BCAS3: variants seen among roughly 807,000 people sequenced by gnomAD.
The protein encoded by BCAS3 is BCAS3 microtubule associated cell migration factor.
A neutral mutation model predicts 116.1 loss-of-function variants in BCAS3; 53 were observed. The ratio of observed to expected loss-of-function variants is 0.46; its 90% CI spans 0.37 to 0.57. BCAS3 has a LOEUF of 0.57. Ranked by LOEUF, BCAS3 falls within the 20% of genes least tolerant of loss-of-function variation. BCAS3 has a pLI of 0.00. For synonymous variants in BCAS3, 391 were observed against 408.2 expected, an observed-to-expected ratio of 0.96 and a Z score of 0.51; for missense variants, 917 against 1,165.4, an observed-to-expected ratio of 0.79 and a Z score of 3.10.
intron 22 of BCAS3, among the ~76,000 whole-genome samples, chr17:61,110,710 G>T (rs2075019731): frequency 6.6e-6 from 1 of 152,190 alleles, no homozygotes; most frequent in South Asian, 2.1e-4. Context: ...AAACAAAGCA[G>T]CCGGGAAGCT....
intron 13 of BCAS3, among the ~76,000 whole-genome samples, chr17:60,935,021 G>A (rs1468417554): frequency 6.6e-6 from 1 of 152,142 alleles, no homozygotes; most frequent in African/African-American, 2.4e-5. Context: ...AGCCGGGTGT[G>A]GTGGCTCATG....
chr17:60,777,085 T>C (rs7208612), intron 6 of BCAS3, among the ~76,000 whole-genome samples: 6,672 of 151,344 alleles, frequency 0.044, 479 homozygotes, highest in African/African-American at 0.15. Flanking sequence ...TGTATATATG[T>C]GTATATATAT....
chr17:60,743,847 T>C (rs371121055), intron 5 of BCAS3, among the ~76,000 whole-genome samples: 6 of 152,196 alleles, frequency 3.9e-5, no homozygotes, highest in African/African-American at 1.4e-4. Context: ...TTAGATCGAG[T>C]TGTGAGATTC....
intron 22 of BCAS3, among the ~76,000 whole-genome samples, chr17:61,353,351 T>C (rs1020087985): frequency 2.0e-5 from 3 of 152,204 alleles, no homozygotes; most frequent in African/African-American, 7.2e-5. Context: ...GGGGGTCTTA[T>C]TAAAATGCAG....
chr17:60,713,260 G>A (rs1185535805), intron 5 of BCAS3, among the ~76,000 whole-genome samples: 16 of 152,180 alleles, frequency 1.1e-4, no homozygotes, highest in Middle Eastern at 3.4e-3. Context: ...GAGCCCCAGT[G>A]TTTTCATTTG....
chr17:60,874,758 C>G lies in BCAS3; in HGVS notation c.661+20C>G. 6.4e-7 allele frequency: 1 copy of G among 1,552,166 alleles called. No homozygotes were observed. Among genetic ancestry groups the G allele is most frequent in the Non-Finnish European group, 8.9e-7 (1 of 1,129,564 alleles). Reference sequence around the variant, plus strand: ...TTACAAGTATGTACCAATTTTTTTTCCCTTCTTATGCCTTTGGGTTTATAC... The same window carrying G: ...TTACAAGTATGTACCAATTTTTTTTGCCTTCTTATGCCTTTGGGTTTATAC... On this transcript the variant is annotated intron_variant, in intron 9 of 23. Transcript: ENST00000407086.
rs1339938110 is a variant in BCAS3, at chr17:60,994,494, A to G, written c.1486+4259A>G. Among the ~76,000 whole-genome samples the G allele has an allele frequency of 6.6e-6, 1 of 152,108 alleles. No homozygotes were observed. The highest frequency in any genetic ancestry group is 1.5e-5 in the Non-Finnish European group (1 of 68,012). On this transcript the variant is annotated intron_variant, in intron 15 of 23. Transcript: ENST00000407086. The surrounding 1 kb of genome is among the most constrained non-coding windows in gnomAD (Gnocchi z 4.4). ...CATTTTTTCCCTCATCTATATCAGT[A>G]ATTTCTAACAATTTTTTACTATCAC...
Position 61,356,150 on chromosome 17 carries a change from A to G in BCAS3, c.2426-12177A>G, listed in dbSNP as rs2058125713. Among the ~76,000 whole-genome samples the G allele has an allele frequency of 6.6e-6, 1 of 152,114 alleles. No homozygotes were observed. Among genetic ancestry groups the G allele is most frequent in the Admixed American group, 6.5e-5 (1 of 15,276 alleles). On this transcript the variant is annotated intron_variant, in intron 22 of 23. Transcript: ENST00000407086. This position sits in a 1 kb window ranked among gnomAD's most constrained non-coding sequence, Gnocchi z 5.4. ...GCTGGGATTACAGGCGCCTGCCATC[A>G]TGCCCGGCTGATTTTTGTATTTTTG...
At chr17:61,050,227 A>G (rs2068733600) in intron 19 of BCAS3, among the ~76,000 whole-genome samples, 1 of 152,060 alleles carries the variant, frequency 6.6e-6, no homozygotes, top group African/African-American at 2.4e-5. Flanking sequence ...TCAGCATGAA[A>G]GGAATTAAGA....
chr17:60,695,083 A>G (rs1313029636), intron 4 of BCAS3, among the ~76,000 whole-genome samples: 1 of 151,032 alleles, frequency 6.6e-6, no homozygotes, highest in East Asian at 1.9e-4. Context: ...CTTCCTTTTT[A>G]AGGCTGAATC....
chr17:61,102,556 G>C (rs1222708389), intron 22 of BCAS3, among the ~76,000 whole-genome samples: 1 of 152,146 alleles, frequency 6.6e-6, no homozygotes. Context: ...AACTTTGGCA[G>C]TGTCATCTGA....
intron 7 of BCAS3, among the ~76,000 whole-genome samples, chr17:60,844,390 G>A (rs2052296907): frequency 6.6e-6 from 1 of 152,156 alleles, no homozygotes; most frequent in African/African-American, 2.4e-5. Context: ...CTTCCATATT[G>A]CTCAAAATAA....
chr17:61,353,369 C>T (rs374887752), intron 22 of BCAS3, among the ~76,000 whole-genome samples: 1 of 152,150 alleles, frequency 6.6e-6, no homozygotes, highest in Admixed American at 6.5e-5. Context: ...CAGCTGGTGA[C>T]GCCGGCGGTC....
intron 2 of BCAS3, among the ~76,000 whole-genome samples, chr17:60,681,050 CA>C (rs1314661648): frequency 6.6e-6 from 1 of 152,112 alleles, no homozygotes; most frequent in African/African-American, 2.4e-5. Context: ...TAAAAAAATA[CA>C]AAAATTAGCC....
In BCAS3 at chr17:61,362,167, G is replaced by A. The variant is rs2058483587; in HGVS notation, c.2426-6160G>A. Among the ~76,000 whole-genome samples the A allele has an allele frequency of 6.6e-6, 1 of 152,198 alleles. No individual in the cohort carries two copies. Among genetic ancestry groups the A allele is most frequent in the Admixed American group, 6.5e-5 (1 of 15,288 alleles). ...TGTGGAGAAAGGGGTGCTCCCCGCAGCAGCACTCTTAAGCTCCGTTTGGTG... is the reference window on the plus strand; with the variant it reads ...TGTGGAGAAAGGGGTGCTCCCCGCAACAGCACTCTTAAGCTCCGTTTGGTG... On this transcript the variant is annotated intron_variant, in intron 22 of 23. Coordinates refer to ENST00000407086, the MANE Select transcript of BCAS3 (RefSeq NM_017679.5). This position sits in a 1 kb window ranked among gnomAD's most constrained non-coding sequence, Gnocchi z 4.4.
intron 14 of BCAS3, among the ~76,000 whole-genome samples, chr17:60,975,932 T>G (rs914591701): frequency 6.6e-6 from 1 of 152,094 alleles, no homozygotes. Context: ...GACATTTTGT[T>G]TATTCATTTA....
intron 22 of BCAS3, among the ~76,000 whole-genome samples, chr17:61,101,682 T>G (rs1215954486): frequency 3.3e-5 from 5 of 152,168 alleles, no homozygotes; most frequent in African/African-American, 1.2e-4. Context: ...TTCAAACTTT[T>G]AAGAGTTGTT....
chr17:60,795,839 G>A (rs1052435621), intron 6 of BCAS3, among the ~76,000 whole-genome samples: 1 of 152,006 alleles, frequency 6.6e-6, no homozygotes, highest in Admixed American at 6.6e-5. Flanking sequence ...ACAGGCATGC[G>A]CCACCACACC....
chr17:61,057,510 A>T (rs961534509), intron 19 of BCAS3, among the ~76,000 whole-genome samples: 2 of 152,124 alleles, frequency 1.3e-5, no homozygotes, highest in African/African-American at 4.8e-5. Flanking sequence ...TCATCTTTAT[A>T]ATTAAGGGTG....
Sources: gnomAD v4.1 joint callset for allele counts (sites outside exome capture counted in the v4.1 genomes callset) on GRCh38, gnomAD v4.1.1 for gene constraint, Gnocchi (gnomAD v3.1) non-coding constraint, MANE v1.5 for transcripts, NCBI Gene and HGNC (gene_info 2026-07-23, HGNC 2026-07-21) for gene names.